Variants in DYNC2H1 observed in about 807,000 individuals in gnomAD.
The protein encoded by DYNC2H1 is cytoplasmic dynein 2 heavy chain 1.
A neutral mutation model predicts 570.0 loss-of-function variants in DYNC2H1; 410 were observed. That is an observed-to-expected ratio of 0.72 (90% CI 0.66 to 0.78). The LOEUF is 0.78. DYNC2H1 is among the 30% of genes least tolerant of loss of function. DYNC2H1 has a pLI of 0.00. For missense variants in DYNC2H1, 4,865 were observed against 5,046.4 expected, an observed-to-expected ratio of 0.96 and a Z score of 1.09; for synonymous variants, 1,688 against 1,677.6, an observed-to-expected ratio of 1.01 and a Z score of -0.15.
intron 84 of DYNC2H1, among the ~76,000 whole-genome samples, chr11:103,415,552 CTCA>C (rs1943251895): frequency 6.6e-6 from 1 of 152,186 alleles, no homozygotes; most frequent in Non-Finnish European, 1.5e-5. Context: ...TAAAAAAACG[CTCA>C]TCATCACTGG....
chr11:103,173,402 T>G (rs2134977114), intron 35 of DYNC2H1, 97 bp downstream of exon 35: 1 of 841,232 alleles, frequency 1.2e-6, no homozygotes, highest in South Asian at 2.5e-5. Flanking sequence ...ATTCACCTAT[T>G]GCATGATTTT....
At chr11:103,375,651 G>C (rs1565539582) in intron 83 of DYNC2H1, among the ~76,000 whole-genome samples, 1 of 152,332 alleles carries the variant, frequency 6.6e-6, no homozygotes, top group East Asian at 1.9e-4. Flanking sequence ...ATTGCATTTT[G>C]GACTTGCATG....
intron 84 of DYNC2H1, among the ~76,000 whole-genome samples, chr11:103,426,345 G>T (rs1238534275): frequency 1.3e-5 from 2 of 152,176 alleles, no homozygotes; most frequent in African/African-American, 4.8e-5. Context: ...TTCTGTGTGT[G>T]TGTCTTTAAT....
Position 103,455,299 on chromosome 11 carries a change from A to G in DYNC2H1, c.12566+4A>G. 6.2e-7 allele frequency: 1 copy of G among 1,611,348 alleles called. No homozygotes were observed. Among genetic ancestry groups the G allele is most frequent in the East Asian group, 2.2e-5 (1 of 44,798 alleles). On this transcript the variant is annotated splice_donor_region_variant and intron_variant, in intron 86 of 88. Coordinates refer to ENST00000375735, the MANE Select transcript of DYNC2H1 (RefSeq NM_001377.3). ...CTCTTCGCCAGGAAACTGCAAGGTA[A>G]TTAAAATGAAATACTTTACCTATTT...
intron 76 of DYNC2H1, 91 bp from the exon 77 acceptor site, chr11:103,304,504 T>G: frequency 7.3e-7 from 1 of 1,373,304 alleles, no homozygotes; most frequent in Non-Finnish European, 9.6e-7. Context: ...TAGGAAGGTT[T>G]AGGGATTACT....
intron 72 of DYNC2H1, among the ~76,000 whole-genome samples, chr11:103,282,579 A>G (rs202139386): frequency 4.9e-5 from 7 of 143,518 alleles, no homozygotes; most frequent in Admixed American, 4.0e-4. Flanking sequence ...TACATTTTAG[A>G]ACTTTTTAAT....
chr11:103,288,721 T>C (rs1163757397), intron 75 of DYNC2H1, among the ~76,000 whole-genome samples: 1 of 74,196 alleles, frequency 1.3e-5, no homozygotes, highest in Non-Finnish European at 2.8e-5. Flanking sequence ...GAAAAGAAAG[T>C]AAAAGAAAGA....
intron 75 of DYNC2H1, among the ~76,000 whole-genome samples, chr11:103,300,963 G>A (rs1253557613): frequency 6.6e-6 from 1 of 151,604 alleles, no homozygotes; most frequent in Admixed American, 6.6e-5. Context: ...TATAATACAT[G>A]GTAATTACAG....
chr11:103,329,024 CTAAA>C (rs1938635328), intron 82 of DYNC2H1, among the ~76,000 whole-genome samples: 1 of 151,634 alleles, frequency 6.6e-6, no homozygotes, highest in East Asian at 2.0e-4. Context: ...GGAACATAGA[CTAAA>C]TAAACGTAGG....
rs540482789 is a variant in DYNC2H1 at position 103,185,189 on chromosome 11, G to A, written c.6633+138G>A. 4.7e-4 allele frequency: 285 copies of A among 601,444 alleles called. 6 individuals are homozygous for A. In the South Asian group the frequency reaches 9.6e-3, roughly 20 times the overall value. The allele number at this position is 601,444 out of a possible 1,614,324, so 37.3% of individuals were successfully genotyped here. Reference sequence around the variant, plus strand: ...ATTATGTATTCAATTGAGTAATAATGTATTTATGTATGTGTATTTATATTT... The same window carrying A: ...ATTATGTATTCAATTGAGTAATAATATATTTATGTATGTGTATTTATATTT... On this transcript the variant is annotated intron_variant, in intron 41 of 88. Coordinates refer to ENST00000375735, the MANE Select transcript of DYNC2H1 (RefSeq NM_001377.3). The surrounding 1 kb of genome is among the most constrained non-coding windows in gnomAD (Gnocchi z 4.5).
chr11:103,450,152 G>C (rs1405664720), intron 85 of DYNC2H1, among the ~76,000 whole-genome samples: 2 of 152,068 alleles, frequency 1.3e-5, no homozygotes, highest in Admixed American at 6.6e-5. Flanking sequence ...GTCATCAAAA[G>C]AACATAACAA....
chr11:103,343,208 T>C (rs188989122), intron 82 of DYNC2H1, among the ~76,000 whole-genome samples: 61 of 152,286 alleles, frequency 4.0e-4, no homozygotes, highest in Non-Finnish European at 6.2e-4. Context: ...AAAAGTTTCG[T>C]TGACCCTGCA....
At chr11:103,136,688 G>C in intron 17 of DYNC2H1, among the ~76,000 whole-genome samples, 1 of 152,054 alleles carries the variant, frequency 6.6e-6, no homozygotes, top group Non-Finnish European at 1.5e-5. Flanking sequence ...ATAAACATAC[G>C]TGTGCATGTG....
At chr11:103,193,546 CT>C (rs899290827) in intron 47 of DYNC2H1, among the ~76,000 whole-genome samples, 87 of 147,122 alleles carry the variant, frequency 5.9e-4, no homozygotes, top group African/African-American at 1.9e-3. Flanking sequence ...TTTTCTTTTT[CT>C]TTTTTTTTTA....
At chr11:103,267,515 TATG>T (rs1415300816) in intron 70 of DYNC2H1, among the ~76,000 whole-genome samples, 3 of 152,048 alleles carry the variant, frequency 2.0e-5, no homozygotes, top group African/African-American at 7.2e-5. Flanking sequence ...ACTAAAATGT[TATG>T]ATCCTAATTA....
rs999413903 is a variant in DYNC2H1 at position 103,241,348 on chromosome 11, A to G, written c.9820-2345A>G. On this transcript the variant is annotated intron_variant, in intron 63 of 88. Transcript: ENST00000375735. The surrounding 1 kb of genome is among the most constrained non-coding windows in gnomAD (Gnocchi z 5.1). ...TTGAGTATAGTTGTAGAATTTAACT[A>G]TATTTAATCATGGAATACAGAGATA... 3.9e-5 allele frequency among the ~76,000 whole-genome samples: 6 copies of G among 152,200 alleles called. No homozygotes were observed. Among genetic ancestry groups the G allele is most frequent in the Non-Finnish European group, 8.8e-5 (6 of 68,036 alleles).
intron 87 of DYNC2H1, among the ~76,000 whole-genome samples, chr11:103,459,038 G>C (rs905506795): frequency 2.0e-5 from 3 of 151,632 alleles, no homozygotes; most frequent in Non-Finnish European, 1.5e-5. Context: ...GGCCGGGCGC[G>C]GTGGCTCACG....
chr11:103,218,351 A>T (rs1452180716), intron 55 of DYNC2H1, among the ~76,000 whole-genome samples: 2 of 152,200 alleles, frequency 1.3e-5, no homozygotes, highest in Non-Finnish European at 2.9e-5. Flanking sequence ...TATGATAGAA[A>T]TCAAATTAGT....
Position 103,287,623 on chromosome 11 carries a change from C to A in DYNC2H1, c.11095+18C>A, listed in dbSNP as rs1212277470. Reference sequence around the variant, plus strand: ...AACTCTGGGTAAGTGTGATGCTTTTCAAGAACTAGACCACTGACCTGAATT... The same window carrying A: ...AACTCTGGGTAAGTGTGATGCTTTTAAAGAACTAGACCACTGACCTGAATT... On this transcript the variant is annotated intron_variant, in intron 75 of 88. Coordinates refer to ENST00000375735, the MANE Select transcript of DYNC2H1 (RefSeq NM_001377.3). 2 of 1,596,118 alleles carry A rather than the reference C, an allele frequency of 1.3e-6. No homozygotes were observed. The highest frequency in any genetic ancestry group is 4.5e-5 in the East Asian group (2 of 44,586).
Sources: gnomAD v4.1 joint callset for allele counts (sites outside exome capture counted in the v4.1 genomes callset) on GRCh38, gnomAD v4.1.1 for gene constraint, Gnocchi (gnomAD v3.1) non-coding constraint, MANE v1.5 for transcripts, NCBI Gene and HGNC (gene_info 2026-07-23, HGNC 2026-07-21) for gene names.